The following MAGI2 variants were observed in gnomAD, a reference collection of about 807,000 sequenced individuals.
The protein encoded by MAGI2 is membrane associated guanylate kinase, WW and PDZ domain containing 2, also known as membrane-associated guanylate kinase, WW and PDZ domain-containing protein 2.
MAGI2 carries 35 observed loss-of-function variants against 133.3 expected under a neutral mutation model. The ratio of observed to expected loss-of-function variants is 0.26; its 90% CI spans 0.20 to 0.35. The LOEUF is 0.35. Among genes scored for constraint, MAGI2 ranks in the 10% least tolerant of loss-of-function variants. MAGI2 has a pLI of 1.00. For synonymous variants in MAGI2, 729 were observed against 710.6 expected, an observed-to-expected ratio of 1.03 and a Z score of -0.41; for missense variants, 1,636 against 1,863.4, an observed-to-expected ratio of 0.88 and a Z score of 2.25.
intron 2 of MAGI2, among the ~76,000 whole-genome samples, chr7:78,830,663 A>C (rs1031983118): frequency 6.6e-6 from 1 of 152,182 alleles, no homozygotes; most frequent in African/African-American, 2.4e-5. Flanking sequence ...AACACATTAC[A>C]ATGAAAAAAA....
At chr7:79,128,213 G>A (rs1820605209) in intron 1 of MAGI2, among the ~76,000 whole-genome samples, 1 of 151,818 alleles carries the variant, frequency 6.6e-6, no homozygotes, top group African/African-American at 2.4e-5. Context: ...GAAACTCCAG[G>A]ATTCACATAT....
intron 1 of MAGI2, among the ~76,000 whole-genome samples, chr7:79,300,952 GCCATAAGCCTTGGTGGCTT>G (rs1263638914): frequency 1.3e-5 from 2 of 152,388 alleles, no homozygotes; most frequent in East Asian, 3.9e-4. Context: ...GAGGGTGCAA[GCCATAAGCCTTGGTGGCTT>G]CCATATGGTG....
chr7:78,924,952 C>A (rs1354816195), intron 2 of MAGI2, among the ~76,000 whole-genome samples: 1 of 151,768 alleles, frequency 6.6e-6, no homozygotes, highest in Non-Finnish European at 1.5e-5. Flanking sequence ...TTGTGCTCTC[C>A]AGGTTGGAGG....
chr7:79,163,116 C>T lies in MAGI2; in HGVS notation c.302-155910G>A, dbSNP rs149152822. Reference sequence around the variant, plus strand: ...CTCCCCAAAACATCAGTATAGGGTACAATACAAAAGCAGTGAGAAAAATAG... The same window carrying T: ...CTCCCCAAAACATCAGTATAGGGTATAATACAAAAGCAGTGAGAAAAATAG... On this transcript the variant is annotated intron_variant, in intron 1 of 21. Coordinates refer to ENST00000354212, the MANE Select transcript of MAGI2 (RefSeq NM_012301.4). 7.9e-5 allele frequency among the ~76,000 whole-genome samples: 12 copies of T among 152,158 alleles called. No individual in the cohort carries two copies. In the East Asian group the frequency reaches 2.3e-3, roughly 29 times the overall value.
chr7:78,607,423 T>A (rs1805937519), intron 3 of MAGI2, among the ~76,000 whole-genome samples: 1 of 150,352 alleles, frequency 6.7e-6, no homozygotes, highest in South Asian at 2.1e-4. Flanking sequence ...TTGTTAGAAG[T>A]CAGAGACGCT....
At chr7:78,448,079 AT>A (rs1425448840) in intron 6 of MAGI2, among the ~76,000 whole-genome samples, 1 of 152,012 alleles carries the variant, frequency 6.6e-6, no homozygotes, top group African/African-American at 2.4e-5. Flanking sequence ...GTTCATCCAC[AT>A]TGCTGCAAAT....
chr7:78,112,264 T>G (rs1400565873), intron 20 of MAGI2, among the ~76,000 whole-genome samples: 1 of 152,236 alleles, frequency 6.6e-6, no homozygotes, highest in Non-Finnish European at 1.5e-5. Flanking sequence ...TATTATTTAC[T>G]GTTTGACCTT....
intron 1 of MAGI2, among the ~76,000 whole-genome samples, chr7:79,093,007 C>G (rs1198655234): frequency 6.6e-6 from 1 of 151,998 alleles, no homozygotes; most frequent in Non-Finnish European, 1.5e-5. Flanking sequence ...TCATAGTTGG[C>G]AAAAGATTAT....
intron 1 of MAGI2, among the ~76,000 whole-genome samples, chr7:79,408,492 A>T (rs1845953852): frequency 6.6e-6 from 1 of 152,102 alleles, no homozygotes; most frequent in Non-Finnish European, 1.5e-5. Flanking sequence ...AAAGAAAAAA[A>T]AGAGAAGCAG....
chr7:79,130,624 G>C (rs1349947596), intron 1 of MAGI2, among the ~76,000 whole-genome samples: 1 of 152,156 alleles, frequency 6.6e-6, no homozygotes, highest in Non-Finnish European at 1.5e-5. Flanking sequence ...TGTAAGATGA[G>C]ATCAATAACA....
chr7:78,758,548 G>T (rs1403260748), intron 2 of MAGI2, among the ~76,000 whole-genome samples: 2 of 152,118 alleles, frequency 1.3e-5, no homozygotes, highest in South Asian at 2.1e-4. Context: ...ATGTATCAAA[G>T]TTCTTTCCAT....
chr7:78,370,624 C>G (rs1263630028), intron 6 of MAGI2, among the ~76,000 whole-genome samples: 1 of 151,786 alleles, frequency 6.6e-6, no homozygotes. Flanking sequence ...TAAAAAAGTA[C>G]TAATTTATAA....
intron 3 of MAGI2, among the ~76,000 whole-genome samples, chr7:78,533,350 A>G (rs1797622454): frequency 6.6e-6 from 1 of 152,170 alleles, no homozygotes; most frequent in Admixed American, 6.5e-5. Flanking sequence ...AAAGACCAGA[A>G]AATACATAGG....
intron 1 of MAGI2, among the ~76,000 whole-genome samples, chr7:79,136,127 A>AAGAAAGAAAGAAAGAC (rs1225606986): frequency 6.1e-5 from 9 of 146,890 alleles, no homozygotes; most frequent in East Asian, 2.0e-4. Flanking sequence ...GAAAGAAAGA[A>AAGAAAGAAAGAAAGAC]AGACACAAAA....
intron 3 of MAGI2, among the ~76,000 whole-genome samples, chr7:78,536,305 G>A (rs866017759): frequency 6.6e-6 from 1 of 150,406 alleles, no homozygotes; most frequent in Non-Finnish European, 1.5e-5. Context: ...GTAGAGACGG[G>A]GTTTCACCGT....
chr7:79,440,326 A>C (rs1275378420), intron 1 of MAGI2, among the ~76,000 whole-genome samples: 1 of 152,108 alleles, frequency 6.6e-6, no homozygotes, highest in Non-Finnish European at 1.5e-5. Flanking sequence ...AATTTTAAAA[A>C]GTACTTCAAG....
intron 1 of MAGI2, among the ~76,000 whole-genome samples, chr7:79,432,640 G>A (rs10273298): frequency 0.79 from 120,751 of 152,088 alleles, 48,059 homozygotes; most frequent in African/African-American, 0.84. Context: ...ATGCTGCCCA[G>A]GAGGGCTGCC....
chr7:78,952,879 G>A (rs1243270864), intron 2 of MAGI2, among the ~76,000 whole-genome samples: 1 of 152,182 alleles, frequency 6.6e-6, no homozygotes, highest in Non-Finnish European at 1.5e-5. Context: ...ACCTGGGTGT[G>A]AGTAGCAAGG....
intron 21 of MAGI2, among the ~76,000 whole-genome samples, chr7:78,035,648 A>G (rs1011386834): frequency 1.3e-5 from 2 of 151,970 alleles, no homozygotes; most frequent in African/African-American, 4.8e-5. Flanking sequence ...GCATCATCCT[A>G]TCAGGCCATC....
Sources: allele counts gnomAD v4.1 joint callset (sites outside exome capture counted in the v4.1 genomes callset), GRCh38; gene constraint gnomAD v4.1.1; transcripts MANE v1.5; gene names NCBI Gene and HGNC (gene_info 2026-07-23, HGNC 2026-07-21).